Variants in ELMO1 observed in about 807,000 individuals in gnomAD.
The protein encoded by ELMO1 is engulfment and cell motility protein 1.
In ELMO1, 26 loss-of-function variants were observed where a neutral mutation model predicts 98.9. That is an observed-to-expected ratio of 0.26 (90% CI 0.19 to 0.36). The LOEUF (loss-of-function observed/expected upper bound fraction) is 0.36, where lower values mean the gene tolerates loss of function less well. Among genes scored for constraint, ELMO1 ranks in the 10% least tolerant of loss-of-function variants. ELMO1 has a pLI of 1.00. For missense variants in ELMO1, 627 were observed against 935.2 expected (o/e 0.67, Z 4.30); for synonymous variants, 346 against 346.0 (o/e 1.00, Z 0.00).
At chr7:37,395,367 C>CAAAAA (rs59452486) in intron 1 of ELMO1, among the ~76,000 whole-genome samples, 29 of 66,140 alleles carry the variant, frequency 4.4e-4, no homozygotes, top group Non-Finnish European at 5.6e-4. Context: ...AACTCCATCT[C>CAAAAA]AAAAAAAAAA....
At chr7:36,986,863 A>C (rs1277079174) in intron 16 of ELMO1, among the ~76,000 whole-genome samples, 1 of 152,108 alleles carries the variant, frequency 6.6e-6, no homozygotes, top group East Asian at 1.9e-4. Context: ...TTTATACTCT[A>C]ATTCCTACCC....
At chr7:36,951,099 G>C (rs1201440770) in intron 16 of ELMO1, among the ~76,000 whole-genome samples, 1 of 152,146 alleles carries the variant, frequency 6.6e-6, no homozygotes, top group Admixed American at 6.5e-5. Flanking sequence ...TTGCCACCTT[G>C]GTCCAGGCCA....
At chr7:37,192,967 GGAGA>G (rs1563068602) in intron 13 of ELMO1, among the ~76,000 whole-genome samples, 12 of 80,106 alleles carry the variant, frequency 1.5e-4, no homozygotes, top group Non-Finnish European at 2.0e-4. Context: ...TATATATATA[GGAGA>G]TATATATATA....
intron 17 of ELMO1, among the ~76,000 whole-genome samples, chr7:36,891,921 C>G (rs1030444516): frequency 6.6e-6 from 1 of 152,126 alleles, no homozygotes; most frequent in Non-Finnish European, 1.5e-5. Context: ...GATTTTTGGA[C>G]TATTCAAGCT....
intron 15 of ELMO1, among the ~76,000 whole-genome samples, chr7:37,014,792 A>C (rs1170818586): frequency 1.3e-5 from 2 of 151,806 alleles, no homozygotes; most frequent in Admixed American, 6.6e-5. Flanking sequence ...GAAGGGTTTC[A>C]GGCCCTGGAA....
intron 14 of ELMO1, among the ~76,000 whole-genome samples, chr7:37,097,877 C>T (rs58212485): frequency 6.6e-6 from 1 of 152,194 alleles, no homozygotes; most frequent in East Asian, 1.9e-4. Flanking sequence ...TTTCCCCTTT[C>T]GTTGCTCAAT....
At chr7:36,929,208 G>C (rs1487026325) in intron 16 of ELMO1, among the ~76,000 whole-genome samples, 2 of 152,162 alleles carry the variant, frequency 1.3e-5, no homozygotes, top group Non-Finnish European at 2.9e-5. Context: ...CTTACTTCCT[G>C]ATGTCCAGGG....
chr7:36,968,406 G>A (rs1326473520), intron 16 of ELMO1, among the ~76,000 whole-genome samples: 1 of 152,166 alleles, frequency 6.6e-6, no homozygotes, highest in Admixed American at 6.5e-5. Flanking sequence ...AACTGGCAAA[G>A]TATGACACTT....
intron 15 of ELMO1, among the ~76,000 whole-genome samples, chr7:37,024,748 A>G (rs13240213): frequency 0.097 from 14,741 of 152,290 alleles, 1,088 homozygotes; most frequent in African/African-American, 0.21. Context: ...AGCACCTGAC[A>G]TTTGGTAAGC....
chr7:37,200,260 T>TTTTTG (rs61280252), intron 13 of ELMO1, among the ~76,000 whole-genome samples: 3 of 150,922 alleles, frequency 2.0e-5, no homozygotes, highest in African/African-American at 7.3e-5. Flanking sequence ...TTTTTTTTTT[T>TTTTTG]GTAGAGACAA....
intron 15 of ELMO1, among the ~76,000 whole-genome samples, chr7:37,073,827 C>T (rs1300391898): frequency 3.3e-5 from 5 of 151,770 alleles, no homozygotes; most frequent in South Asian, 2.1e-4. Flanking sequence ...AGAGACCCTC[C>T]GGCTTTGGCC....
At chr7:36,976,992 T>A (rs1027445191) in intron 16 of ELMO1, among the ~76,000 whole-genome samples, 2 of 152,222 alleles carry the variant, frequency 1.3e-5, no homozygotes, top group Non-Finnish European at 2.9e-5. Flanking sequence ...CACTTGGATT[T>A]GAACTTCACT....
chr7:37,418,194 C>T (rs939274462), intron 1 of ELMO1, among the ~76,000 whole-genome samples: 1 of 152,210 alleles, frequency 6.6e-6, no homozygotes, highest in Middle Eastern at 3.2e-3. Context: ...TGCTAAGAGA[C>T]AGAAACCAAA....
rs993837597 is a variant in ELMO1 at position 37,383,017 on chromosome 7, T to C, written c.-73-40254A>G. On this transcript the variant is annotated intron_variant, in intron 1 of 21. Transcript: ENST00000310758. The stretch of plus-strand genomic sequence containing the variant: ...GTGATGCCACTTTTCCCCTCCATAC[T>C]TCAATGTATATTTCTAAAGAACAAG... 2.8e-4 allele frequency among the ~76,000 whole-genome samples: 42 copies of C among 152,226 alleles called. 1 individual carries two copies. Among genetic ancestry groups the C allele is most frequent in the African/African-American group, 8.2e-4 (34 of 41,466 alleles).
At chr7:36,890,140 G>C (rs937292484) in intron 17 of ELMO1, among the ~76,000 whole-genome samples, 2 of 152,162 alleles carry the variant, frequency 1.3e-5, no homozygotes, top group African/African-American at 4.8e-5. Context: ...AGGGTCATGG[G>C]TTTACTAGCT....
In ELMO1 at chr7:37,064,010, G is replaced by A. The variant is rs945837850; in HGVS notation, c.1300+32609C>T. On this transcript the variant is annotated intron_variant, in intron 15 of 21. Coordinates refer to ENST00000310758, the MANE Select transcript of ELMO1 (RefSeq NM_014800.11). ...TTTTTTCATCCTTGGGTCGTCTGCC[G>A]TATCCACTTGTCATAGTCCTAACTA... 4.6e-5 allele frequency among the ~76,000 whole-genome samples: 7 copies of A among 151,962 alleles called. No individual in the cohort carries two copies. In the East Asian group the frequency reaches 7.7e-4, roughly 17 times the overall value.
chr7:37,386,308 T>G, intron 1 of ELMO1, among the ~76,000 whole-genome samples: 1 of 150,504 alleles, frequency 6.6e-6, no homozygotes, highest in Admixed American at 6.6e-5. Context: ...GTTTGGAAAA[T>G]GGGCAGAAGG....
At chr7:36,960,511 T>C (rs1214849939) in intron 16 of ELMO1, among the ~76,000 whole-genome samples, 5 of 152,150 alleles carry the variant, frequency 3.3e-5, no homozygotes, top group Non-Finnish European at 5.9e-5. Flanking sequence ...CCCCCAGCTG[T>C]AGTTCTGTAG....
At chr7:37,235,862 G>A (rs1463184743) in intron 7 of ELMO1, among the ~76,000 whole-genome samples, 6 of 152,246 alleles carry the variant, frequency 3.9e-5, no homozygotes, top group African/African-American at 1.4e-4. Context: ...GGAGGCTGCA[G>A]TGAGCCAAGA....
Sources: gnomAD v4.1 joint callset for allele counts (sites outside exome capture counted in the v4.1 genomes callset) on GRCh38, gnomAD v4.1.1 for gene constraint, MANE v1.5 for transcripts, NCBI Gene and HGNC (gene_info 2026-07-23, HGNC 2026-07-21) for gene names.